The following TUBB8B variants were observed in gnomAD, a reference collection of about 807,000 sequenced individuals.
TUBB8B encodes tubulin beta 8B.
TUBB8B carries 26 observed loss-of-function variants against 31.9 expected under a neutral mutation model. That is an observed-to-expected ratio of 0.81 (90% CI 0.60 to 1.13). TUBB8B has a LOEUF of 1.13. TUBB8B is among the 50% of genes most tolerant of loss of function. The pLI is 0.00. For missense variants in TUBB8B, 467 were observed against 586.7 expected (o/e 0.80, Z 2.11); for synonymous variants, 173 against 231.0 (o/e 0.75, Z 2.28).
chr18:56,442 C>T, the TUBB8B span, among the ~76,000 whole-genome samples: 1 of 151,722 alleles, frequency 6.6e-6, no homozygotes, highest in Non-Finnish European at 1.5e-5. Flanking sequence ...ACTGATTCTT[C>T]CAATATGTGA....
chr18:51,223 G>T (rs1441703551), upstream of TUBB8B, among the ~76,000 whole-genome samples: 52 of 137,642 alleles, frequency 3.8e-4, no homozygotes, highest in East Asian at 1.1e-3. Context: ...TGGTCAAGGG[G>T]CTCATCTCTC....
At chr18:71,369 G>A in the TUBB8B span, among the ~76,000 whole-genome samples, 1 of 151,736 alleles carries the variant, frequency 6.6e-6, no homozygotes, top group South Asian at 2.1e-4. Context: ...CCAACATGGT[G>A]AAATCCCATC....
the TUBB8B span, among the ~76,000 whole-genome samples, chr18:66,456 C>T: frequency 5.7e-4 from 83 of 146,266 alleles, no homozygotes; most frequent in African/African-American, 1.9e-3. Flanking sequence ...GAGGCTGAGG[C>T]GGGAGGATCA....
upstream of TUBB8B, among the ~76,000 whole-genome samples, chr18:54,117 C>A (rs1021570897): frequency 1.2e-4 from 18 of 151,604 alleles, 1 homozygote; most frequent in Non-Finnish European, 2.5e-4. Flanking sequence ...ATTTCTAAGC[C>A]CCTATTGACT....
upstream of TUBB8B, among the ~76,000 whole-genome samples, chr18:52,711 C>T (rs1266677769): frequency 4.0e-5 from 6 of 151,780 alleles, no homozygotes; most frequent in Admixed American, 2.0e-4. Context: ...CTGATACAGA[C>T]CACAAAGTAG....
Position 48,370 on chromosome 18 carries a change from C to A in TUBB8B, c.355G>T (p.Val119Phe). The A allele has an allele frequency of 6.2e-7, 1 of 1,612,280 alleles. No homozygotes were observed. The change falls in exon 4 of 4, where the codon GTT becomes TTT. Residue 119 changes from valine to phenylalanine, a missense_variant. Val to Phe is a conservative substitution (Grantham distance 50). This residue lies in a region of TUBB8B where 259 missense variants were observed against 380.1 expected (regional missense o/e 0.68). Coordinates refer to ENST00000308911, the MANE Select transcript of TUBB8B (RefSeq NM_001358689.2). Reference sequence around the variant, plus strand: ...CAGCTCTCAGCCTCCTTTCTGACAACGTCCATCACTGACTCCGTCAGCTCC... The same window carrying A: ...CAGCTCTCAGCCTCCTTTCTGACAAAGTCCATCACTGACTCCGTCAGCTCC... ...GAELTESVMDVVRKEAESCDC... is the reference protein window; with the variant it reads ...GAELTESVMDFVRKEAESCDC...
At chr18:66,588 T>C in the TUBB8B span, among the ~76,000 whole-genome samples, 3 of 152,194 alleles carry the variant, frequency 2.0e-5, no homozygotes, top group African/African-American at 4.8e-5. Context: ...CATAGAAATA[T>C]GGGTTTATTT....
At chr18:54,229 T>C (rs1470307545), upstream of TUBB8B, among the ~76,000 whole-genome samples, 1 of 151,756 alleles carries the variant, frequency 6.6e-6, no homozygotes, top group Non-Finnish European at 1.5e-5. Context: ...CTCCCTTTGG[T>C]TTTAATTGTA....
chr18:68,129 T>C, the TUBB8B span, among the ~76,000 whole-genome samples: 1 of 152,182 alleles, frequency 6.6e-6, no homozygotes, highest in Admixed American at 6.5e-5. Context: ...AAGTTTGATG[T>C]CGTCTCTGCT....
chr18:48,159 AC>A lies in TUBB8B; in HGVS notation c.565del (p.Val189SerfsTer5). 1 of 1,613,874 alleles carries A rather than the reference AC, an allele frequency of 6.2e-7. No individual in the cohort carries two copies. Among genetic ancestry groups the A allele is most frequent in the Non-Finnish European group, 8.5e-7 (1 of 1,179,786 alleles). On this transcript the variant is annotated frameshift_variant, in exon 4 of 4. Coordinates refer to ENST00000308911, the MANE Select transcript of TUBB8B (RefSeq NM_001358689.2). LOFTEE classifies it high-confidence loss of function. ...ATCCGCGTTTTCTATGAGCTGGTGG[AC>A]TGAGAGGGTGGCGTTGTAGGGCTCC... ...VVEPYNATLS[V>X]HQLIENADET...
At chr18:62,575 C>T in the TUBB8B span, among the ~76,000 whole-genome samples, 28 of 151,420 alleles carry the variant, frequency 1.8e-4, no homozygotes, top group African/African-American at 3.9e-4. Flanking sequence ...CCCACCACCA[C>T]GCCCAGTTAA....
At chr18:56,535 T>C in the TUBB8B span, among the ~76,000 whole-genome samples, 1 of 151,908 alleles carries the variant, frequency 6.6e-6, no homozygotes, top group Non-Finnish European at 1.5e-5. Flanking sequence ...TGAGAACTTT[T>C]ATTTCTTTGG....
At chr18:67,636 A>G in the TUBB8B span, among the ~76,000 whole-genome samples, 6 of 152,170 alleles carry the variant, frequency 3.9e-5, no homozygotes, top group African/African-American at 1.4e-4. Flanking sequence ...TTAGGTGTCA[A>G]CTTTACTAGA....
chr18:57,429 G>C, the TUBB8B span, among the ~76,000 whole-genome samples: 1 of 151,822 alleles, frequency 6.6e-6, no homozygotes, highest in Non-Finnish European at 1.5e-5. Flanking sequence ...GGGAGTTATT[G>C]AATTTTAAGG....
chr18:66,323 A>G, the TUBB8B span, among the ~76,000 whole-genome samples: 1 of 152,210 alleles, frequency 6.6e-6, no homozygotes, highest in Non-Finnish European at 1.5e-5. Context: ...AGGACAAGAG[A>G]GGAGGATCAC....
At chr18:48,609 G>A (rs1313690811) in intron 3 of TUBB8B, 162 bp from the exon 4 acceptor site, 1 of 700,814 alleles carries the variant, frequency 1.4e-6, no homozygotes. Context: ...CAGGACAGCA[G>A]CTTCCCCTGT....
At chr18:64,340 G>T in the TUBB8B span, among the ~76,000 whole-genome samples, 360 of 152,230 alleles carry the variant, frequency 2.4e-3, 2 homozygotes, top group Middle Eastern at 0.017. Context: ...GTGACCCAAA[G>T]AACTCTCAAC....
chr18:59,795 C>T, the TUBB8B span, among the ~76,000 whole-genome samples: 808 of 151,780 alleles, frequency 5.3e-3, 9 homozygotes, highest in African/African-American at 0.012. Flanking sequence ...CCACCTATCT[C>T]GGCTTCCAAA....
the TUBB8B span, among the ~76,000 whole-genome samples, chr18:61,647 G>C: frequency 1.6e-5 from 2 of 126,164 alleles, no homozygotes; most frequent in Admixed American, 1.5e-4. Flanking sequence ...CATGAGGCTT[G>C]AATATAATAT....
Sources: gnomAD v4.1 joint callset for allele counts (sites outside exome capture counted in the v4.1 genomes callset) on GRCh38, gnomAD v4.1.1 for gene constraint, gnomAD v4.1.1 regional missense constraint, MANE v1.5 for transcripts, NCBI Gene and HGNC (gene_info 2026-07-23, HGNC 2026-07-21) for gene names.